The following CPQ variants were observed in gnomAD, a reference collection of about 807,000 sequenced individuals.
The protein encoded by CPQ is carboxypeptidase Q.
Under a neutral mutation model 45.7 loss-of-function variants are expected in CPQ, and 37 were observed. The ratio of observed to expected loss-of-function variants is 0.81; its 90% confidence interval spans 0.62 to 1.07. The LOEUF is 1.07. CPQ is among the 50% of genes least tolerant of loss of function. CPQ has a pLI of 0.00. For missense variants in CPQ, 537 were observed against 572.9 expected (o/e 0.94, Z 0.64); for synonymous variants, 186 against 205.8 (o/e 0.90, Z 0.82).
intron 4 of CPQ, among the ~76,000 whole-genome samples, chr8:96,951,345 A>C (rs373117177): frequency 6.6e-6 from 1 of 152,114 alleles, no homozygotes; most frequent in African/African-American, 2.4e-5. Context: ...CCCTGTGTTC[A>C]AGGCCCTTTT....
chr8:96,934,258 G>A (rs1188474284), intron 4 of CPQ, among the ~76,000 whole-genome samples: 1 of 152,188 alleles, frequency 6.6e-6, no homozygotes, highest in Non-Finnish European at 1.5e-5. Context: ...CACACAACAA[G>A]CCTAGGATTA....
At chr8:96,964,069 C>T (rs951899802) in intron 4 of CPQ, among the ~76,000 whole-genome samples, 1 of 149,736 alleles carries the variant, frequency 6.7e-6, no homozygotes, top group Non-Finnish European at 1.5e-5. Flanking sequence ...CTATTGTCAG[C>T]AGACATTTCA....
At chr8:97,113,321 A>G (rs556933842) in intron 7 of CPQ, among the ~76,000 whole-genome samples, 3 of 152,264 alleles carry the variant, frequency 2.0e-5, no homozygotes. Flanking sequence ...CAGCAGCAGG[A>G]GAAGGGTGTG....
intron 4 of CPQ, among the ~76,000 whole-genome samples, chr8:96,908,747 G>GCACGCACA (rs1554577100): frequency 1.4e-5 from 2 of 140,918 alleles, no homozygotes. Flanking sequence ...ATACACATGC[G>GCACGCACA]CACACACACA....
chr8:96,746,790 G>T (rs553109504), intron 1 of CPQ, among the ~76,000 whole-genome samples: 2 of 152,302 alleles, frequency 1.3e-5, no homozygotes, highest in East Asian at 1.9e-4. Context: ...CTCTGATGTG[G>T]ATAGGAAAGA....
At chr8:96,942,687 A>G (rs1258511351) in intron 4 of CPQ, among the ~76,000 whole-genome samples, 1 of 152,148 alleles carries the variant, frequency 6.6e-6, no homozygotes, top group Non-Finnish European at 1.5e-5. Context: ...TAAAATGTAT[A>G]TTCCTTTAAA....
At chr8:96,710,112 G>A (rs1809587055) in intron 1 of CPQ, among the ~76,000 whole-genome samples, 2 of 151,992 alleles carry the variant, frequency 1.3e-5, no homozygotes, top group South Asian at 4.1e-4. Context: ...ACTTATTCAA[G>A]CTAGGAGGGT....
intron 7 of CPQ, among the ~76,000 whole-genome samples, chr8:97,067,949 A>C (rs567224608): frequency 9.2e-5 from 14 of 152,286 alleles, no homozygotes; most frequent in Non-Finnish European, 1.9e-4. Context: ...ACTTCTTAAA[A>C]ATTGAGAAAC....
intron 2 of CPQ, among the ~76,000 whole-genome samples, chr8:96,788,050 GTTTTTCTTTTCTT>G (rs1414406104): frequency 2.7e-5 from 4 of 147,382 alleles, no homozygotes; most frequent in Non-Finnish European, 3.0e-5. Context: ...TGAGGGGTTT[GTTTTTCTTTTCTT>G]TTTTTCTTTT....
At chr8:96,789,730 GC>G (rs1285533064) in intron 2 of CPQ, among the ~76,000 whole-genome samples, 7 of 152,178 alleles carry the variant, frequency 4.6e-5, no homozygotes, top group Non-Finnish European at 8.8e-5. Flanking sequence ...TTATTTTTAA[GC>G]GTGGCTTAAT....
At chr8:97,081,802 G>A (rs1206696285) in intron 7 of CPQ, among the ~76,000 whole-genome samples, 1 of 152,168 alleles carries the variant, frequency 6.6e-6, no homozygotes, top group Non-Finnish European at 1.5e-5. Flanking sequence ...TTAAGGAGCT[G>A]TGTAGAAATA....
intron 4 of CPQ, among the ~76,000 whole-genome samples, chr8:96,956,747 AAAATG>A (rs1404015416): frequency 6.6e-6 from 1 of 152,208 alleles, no homozygotes; most frequent in Non-Finnish European, 1.5e-5. Flanking sequence ...AGGATGCAAG[AAAATG>A]AAATGTTTAA....
chr8:96,928,166 G>A (rs185835282), intron 4 of CPQ, among the ~76,000 whole-genome samples: 15 of 152,166 alleles, frequency 9.9e-5, no homozygotes, highest in African/African-American at 2.6e-4. Flanking sequence ...ATTTTCTATC[G>A]TAAGACAGAA....
At chr8:96,760,866 A>G (rs1810392734) in intron 1 of CPQ, 1 of 152,172 alleles carries the variant, frequency 6.6e-6, no homozygotes, top group African/African-American at 2.4e-5. Flanking sequence ...AGTCAGTGCT[A>G]GGAAGTTGTG....
At chr8:96,775,389 C>A (rs1301556263) in intron 1 of CPQ, among the ~76,000 whole-genome samples, 1 of 152,094 alleles carries the variant, frequency 6.6e-6, no homozygotes, top group Non-Finnish European at 1.5e-5. Context: ...AATGTGAATT[C>A]TAAGGCATGA....
rs534742314 is a variant in CPQ, at chr8:96,903,168, G to A, written c.849+23163G>A. Among the ~76,000 whole-genome samples, 13 of 152,144 alleles carry A rather than the reference G, an allele frequency of 8.5e-5. No individual in the cohort carries two copies. The East Asian group carries it at 1.4e-3, about 16-fold the overall frequency. The stretch of plus-strand genomic sequence containing the variant: ...GCAGCATAGTGATACTTCAGTTGGC[G>A]TTGCTTGGCATCTTTTCTTGCCTCA... On this transcript the variant is annotated intron_variant, in intron 4 of 7. Transcript: ENST00000220763.
intron 1 of CPQ, among the ~76,000 whole-genome samples, chr8:96,748,283 A>G (rs1286153123): frequency 1.3e-5 from 2 of 152,156 alleles, no homozygotes; most frequent in African/African-American, 2.4e-5. Context: ...TTTTCTGGCA[A>G]TAAAAACCCT....
intron 4 of CPQ, among the ~76,000 whole-genome samples, chr8:96,911,753 A>G (rs1406604649): frequency 3.3e-5 from 5 of 152,212 alleles, no homozygotes; most frequent in Admixed American, 2.6e-4. Flanking sequence ...TAAAGAATGT[A>G]AATATTGACA....
chr8:96,960,558 C>T (rs1192952196), intron 4 of CPQ, among the ~76,000 whole-genome samples: 1 of 152,160 alleles, frequency 6.6e-6, no homozygotes, highest in East Asian at 1.9e-4. Context: ...AAGGATTACA[C>T]ATGTTCTCAC....
Sources: gnomAD v4.1 joint callset for allele counts (sites outside exome capture counted in the v4.1 genomes callset) on GRCh38, gnomAD v4.1.1 for gene constraint, MANE v1.5 for transcripts, NCBI Gene and HGNC (gene_info 2026-07-23, HGNC 2026-07-21) for gene names.